RNF144A: variants seen among roughly 807,000 people sequenced by gnomAD.
The protein encoded by RNF144A is ring finger protein 144A, also known as E3 ubiquitin-protein ligase RNF144A.
Under a neutral mutation model 38.7 loss-of-function variants are expected in RNF144A, and 11 were observed. The ratio of observed to expected loss-of-function variants is 0.28; its 90% CI spans 0.18 to 0.47. The LOEUF is 0.47. RNF144A is among the 20% of genes least tolerant of loss of function. The probability of loss-of-function intolerance (pLI) is 0.99; values close to 1 mark genes in which losing one functional copy is unlikely to be tolerated. For synonymous variants in RNF144A, 149 were observed against 143.9 expected, an observed-to-expected ratio of 1.04 and a Z score of -0.25; for missense variants, 316 against 377.2, an observed-to-expected ratio of 0.84 and a Z score of 1.34.
chr2:7,047,514 T>C (rs1673354554), downstream of RNF144A, among the ~76,000 whole-genome samples: 1 of 152,178 alleles, frequency 6.6e-6, no homozygotes, highest in Non-Finnish European at 1.5e-5. Flanking sequence ...TGAGACTTCT[T>C]CACTATCACG....
intron 6 of RNF144A, among the ~76,000 whole-genome samples, chr2:7,023,024 CAT>C (rs1476865836): frequency 6.6e-6 from 1 of 152,166 alleles, no homozygotes; most frequent in Non-Finnish European, 1.5e-5. Context: ...AACATGTTAA[CAT>C]GTGCAACCTC....
chr2:7,067,471 G>C (rs959200625), intron 6 of RNF144A, among the ~76,000 whole-genome samples: 1 of 152,126 alleles, frequency 6.6e-6, no homozygotes, highest in African/African-American at 2.4e-5. Context: ...GAGGCTTCAA[G>C]CTCAGTGTTT....
chr2:6,961,077 G>T (rs901567302), intron 2 of RNF144A, among the ~76,000 whole-genome samples: 5 of 148,832 alleles, frequency 3.4e-5, no homozygotes, highest in South Asian at 2.1e-4. Context: ...TACTTACATG[G>T]TTTTTTTTTT....
intron 2 of RNF144A, among the ~76,000 whole-genome samples, chr2:6,972,026 C>T (rs1306771776): frequency 6.6e-6 from 1 of 151,966 alleles, no homozygotes; most frequent in Admixed American, 6.6e-5. Context: ...TCACATAGGC[C>T]CCTGGGGAGG....
intron 1 of RNF144A, among the ~76,000 whole-genome samples, chr2:6,931,086 T>C (rs563979186): frequency 5.6e-4 from 86 of 152,310 alleles, no homozygotes; most frequent in African/African-American, 1.9e-3. Flanking sequence ...CAGGTCTGAC[T>C]GAGTACTGTT....
chr2:6,974,963 C>T (rs1276156866), intron 2 of RNF144A, among the ~76,000 whole-genome samples: 5 of 151,972 alleles, frequency 3.3e-5, no homozygotes, highest in East Asian at 1.9e-4. Context: ...TGGTTATAAC[C>T]GGAAAAGAAG....
At chr2:7,049,495 A>G (rs1413564473) in intron 6 of RNF144A, among the ~76,000 whole-genome samples, 1 of 152,190 alleles carries the variant, frequency 6.6e-6, no homozygotes, top group African/African-American at 2.4e-5. Context: ...AAATCCTGAA[A>G]AACGAGTCTC....
intron 2 of RNF144A, among the ~76,000 whole-genome samples, chr2:6,977,198 A>G (rs1668367344): frequency 6.6e-6 from 1 of 152,244 alleles, no homozygotes; most frequent in Admixed American, 6.5e-5. Context: ...TTATAGGTGG[A>G]AAATAAGCCC....
chr2:7,071,405 C>G (rs76930232), downstream of RNF144A, among the ~76,000 whole-genome samples: 1 of 152,176 alleles, frequency 6.6e-6, no homozygotes, highest in South Asian at 2.1e-4. Context: ...GCCAGCAGCA[C>G]GCTCCTTCTT....
intron 6 of RNF144A, among the ~76,000 whole-genome samples, chr2:7,023,170 G>A (rs114594834): frequency 0.014 from 2,124 of 152,268 alleles, 19 homozygotes; most frequent in Non-Finnish European, 0.021. Context: ...TAATTAGGAG[G>A]ACATACTGCT....
At chr2:7,055,350 A>G (rs1673699829) in intron 6 of RNF144A, among the ~76,000 whole-genome samples, 1 of 152,124 alleles carries the variant, frequency 6.6e-6, no homozygotes, top group African/African-American at 2.4e-5. Flanking sequence ...TTTGGTCTCA[A>G]AAGTTCTTAA....
At chr2:7,038,198 G>A (rs1468540074) in intron 8 of RNF144A, among the ~76,000 whole-genome samples, 1 of 152,234 alleles carries the variant, frequency 6.6e-6, no homozygotes, top group African/African-American at 2.4e-5. Context: ...ATTCTCTGAT[G>A]CACCATGCCT....
chr2:6,997,197 A>C (rs1246580850), intron 3 of RNF144A, 136 bp downstream of exon 3: 2 of 718,018 alleles, frequency 2.8e-6, no homozygotes, highest in African/African-American at 1.8e-5. Flanking sequence ...GCCTTCACAC[A>C]GTTCTTGGAA....
intron 2 of RNF144A, among the ~76,000 whole-genome samples, chr2:6,964,609 G>T (rs1425351051): frequency 1.3e-5 from 2 of 152,158 alleles, no homozygotes; most frequent in African/African-American, 4.8e-5. Context: ...AGAAAACGTG[G>T]CACATATACA....
At chr2:7,006,313 T>C (rs1670437284) in intron 3 of RNF144A, among the ~76,000 whole-genome samples, 1 of 152,168 alleles carries the variant, frequency 6.6e-6, no homozygotes, top group Non-Finnish European at 1.5e-5. Context: ...ATGCGGAGGA[T>C]GAACAATTCT....
chr2:7,003,964 G>A (rs73914472), intron 3 of RNF144A, among the ~76,000 whole-genome samples: 10 of 152,244 alleles, frequency 6.6e-5, no homozygotes, highest in African/African-American at 2.2e-4. Context: ...CATGAGTGTC[G>A]CTGGTTCTCA....
At chr2:6,959,072 C>T (rs762042714) in intron 2 of RNF144A, among the ~76,000 whole-genome samples, 1 of 152,238 alleles carries the variant, frequency 6.6e-6, no homozygotes, top group Non-Finnish European at 1.5e-5. Flanking sequence ...ACCTCATTGA[C>T]TCATTCCAAA....
In RNF144A at chr2:7,040,355, C is replaced by T; in HGVS notation, c.*595C>T. 1 of 985,460 alleles carries T rather than the reference C, an allele frequency of 1.0e-6. No individual in the cohort carries two copies. Among genetic ancestry groups the T allele is most frequent in the Non-Finnish European group, 1.2e-6 (1 of 829,966 alleles). 61.0% of individuals were successfully genotyped at this position (985,460 alleles called of 1,614,324 possible). On this transcript the variant is annotated 3_prime_UTR_variant, in exon 9 of 9. Coordinates refer to ENST00000320892, the MANE Select transcript of RNF144A (RefSeq NM_014746.6). ...AAGAAGTTATAGTTAAACGACTTTT[C>T]AGGAGATTTAGAAAGCCTTATGCAC...
intron 2 of RNF144A, among the ~76,000 whole-genome samples, chr2:6,983,742 G>A (rs1321537276): frequency 6.6e-6 from 1 of 152,032 alleles, no homozygotes; most frequent in Admixed American, 6.6e-5. Flanking sequence ...TGAGGCTCAG[G>A]GGGACTCGGT....
Sources: allele counts gnomAD v4.1 joint callset (sites outside exome capture counted in the v4.1 genomes callset), GRCh38; gene constraint gnomAD v4.1.1; transcripts MANE v1.5; gene names NCBI Gene and HGNC (gene_info 2026-07-23, HGNC 2026-07-21).